Variants in ATP2B2 observed in about 807,000 individuals in gnomAD.
The protein encoded by ATP2B2 is plasma membrane calcium-transporting ATPase 2.
In ATP2B2, 15 loss-of-function variants were observed where a neutral mutation model predicts 120.0. The observed-to-expected ratio is 0.12, with a 90% CI of 0.08 to 0.19. The LOEUF is 0.19. ATP2B2 is among the 10% of genes least tolerant of loss of function. The pLI is 1.00. For missense variants in ATP2B2, 1,045 were observed against 1,719.8 expected (o/e 0.61, Z 6.94); for synonymous variants, 694 against 700.3 (o/e 0.99, Z 0.14).
chr3:10,351,109 T>C (rs1455444096), intron 14 of ATP2B2, among the ~76,000 whole-genome samples: 2 of 152,232 alleles, frequency 1.3e-5, no homozygotes, highest in African/African-American at 4.8e-5. Flanking sequence ...GGATTATGCT[T>C]CAGGTAAAAT....
intron 2 of ATP2B2, among the ~76,000 whole-genome samples, chr3:10,420,075 T>A (rs1221908602): frequency 6.6e-6 from 1 of 152,204 alleles, no homozygotes; most frequent in Non-Finnish European, 1.5e-5. Context: ...TGTCAGTGCA[T>A]GCATGCGTGC....
At chr3:10,393,551 G>A (rs1381930714) in intron 5 of ATP2B2, among the ~76,000 whole-genome samples, 1 of 152,172 alleles carries the variant, frequency 6.6e-6, no homozygotes, top group Admixed American at 6.5e-5. Context: ...GATGGGAGCT[G>A]GTCTGTGGCT....
intron 1 of ATP2B2, among the ~76,000 whole-genome samples, chr3:10,503,155 C>T (rs920141776): frequency 1.3e-5 from 2 of 152,262 alleles, no homozygotes; most frequent in Non-Finnish European, 2.9e-5. Flanking sequence ...ATTTCAGGCT[C>T]TGCATACAAC....
intron 1 of ATP2B2, among the ~76,000 whole-genome samples, chr3:10,685,497 T>TGAGA (rs146989049): frequency 2.7e-5 from 4 of 150,216 alleles, no homozygotes; most frequent in South Asian, 2.1e-4. Context: ...CTCACTTGCC[T>TGAGA]GAGAGAGAGA....
intron 12 of ATP2B2, among the ~76,000 whole-genome samples, chr3:10,361,598 C>T (rs973193034): frequency 6.6e-6 from 1 of 152,232 alleles, no homozygotes; most frequent in African/African-American, 2.4e-5. Context: ...TCCCCAGCAC[C>T]TGTCACTTCC....
chr3:10,448,630 A>C (rs959358955), intron 2 of ATP2B2, among the ~76,000 whole-genome samples: 1 of 151,792 alleles, frequency 6.6e-6, no homozygotes, highest in Non-Finnish European at 1.5e-5. Context: ...AGAAAGCCCC[A>C]CTCCACCCTC....
intron 2 of ATP2B2, among the ~76,000 whole-genome samples, chr3:10,540,210 C>G (rs947196961): frequency 2.0e-5 from 3 of 152,142 alleles, no homozygotes; most frequent in African/African-American, 7.2e-5. Context: ...ATTAAAAAGT[C>G]AGGAAACAAC....
upstream of ATP2B2, among the ~76,000 whole-genome samples, chr3:10,506,838 C>T (rs1012248899): frequency 1.3e-5 from 2 of 152,240 alleles, no homozygotes; most frequent in African/African-American, 2.4e-5. Flanking sequence ...CTGAGCTGCC[C>T]GCCCGAGCGT....
intron 8 of ATP2B2, 50 bp from the exon 9 acceptor site, chr3:10,379,334 T>C (rs1454196358): frequency 6.3e-7 from 1 of 1,597,726 alleles, no homozygotes; most frequent in Non-Finnish European, 8.6e-7. Context: ...CAACACATGG[T>C]CGGTCATCAC....
intron 22 of ATP2B2, 78 bp downstream of exon 22, chr3:10,338,098 G>C (rs1310164671): frequency 3.8e-6 from 6 of 1,587,122 alleles, no homozygotes; most frequent in Non-Finnish European, 5.1e-6. Context: ...GCCCTGGGGG[G>C]CAGCACAAGC....
At chr3:10,589,300 G>T (rs903191331) in intron 2 of ATP2B2, among the ~76,000 whole-genome samples, 2 of 152,184 alleles carry the variant, frequency 1.3e-5, no homozygotes, top group Non-Finnish European at 2.9e-5. Flanking sequence ...CTACAGGCTT[G>T]CTCATTAGTA....
rs191219717 is a variant in ATP2B2 at position 10,460,073 on chromosome 3, C to A, written c.-319-10211G>T. Among the ~76,000 whole-genome samples the A allele has an allele frequency of 2.2e-3, 342 of 152,350 alleles. 2 individuals carry two copies. The highest frequency in any genetic ancestry group is 8.1e-3 in the African/African-American group (338 of 41,578). On this transcript the variant is annotated intron_variant, in intron 1 of 22. Coordinates refer to ENST00000360273, the MANE Select transcript of ATP2B2 (RefSeq NM_001001331.4). The stretch of plus-strand genomic sequence containing the variant: ...CTGGTTGGTGAGGCCTCAGGCTTCA[C>A]CTCTGACCATGGAGGGCTGGGGCCT...
chr3:10,631,063 G>GC (rs1159170447), intron 1 of ATP2B2, among the ~76,000 whole-genome samples: 1 of 152,234 alleles, frequency 6.6e-6, no homozygotes, highest in Admixed American at 6.5e-5. Context: ...TTGGTTTGCA[G>GC]CCCAGCTGCG....
chr3:10,523,184 C>T (rs1232974128), intron 3 of ATP2B2, among the ~76,000 whole-genome samples: 2 of 152,184 alleles, frequency 1.3e-5, no homozygotes, highest in Non-Finnish European at 2.9e-5. Flanking sequence ...ATCCTCATCA[C>T]AAGCTGTACA....
At chr3:10,575,118 G>A (rs1441531049) in intron 2 of ATP2B2, among the ~76,000 whole-genome samples, 3 of 152,154 alleles carry the variant, frequency 2.0e-5, no homozygotes, top group East Asian at 1.9e-4. Flanking sequence ...CAGCCTTTCC[G>A]CCCGGGGGAG....
intron 3 of ATP2B2, among the ~76,000 whole-genome samples, chr3:10,516,655 C>T (rs2066881970): frequency 6.6e-6 from 1 of 152,340 alleles, no homozygotes; most frequent in Non-Finnish European, 1.5e-5. Flanking sequence ...TGGCATCTGT[C>T]CTGCTTCTCT....
At chr3:10,608,043 T>G (rs1026075660) in intron 2 of ATP2B2, among the ~76,000 whole-genome samples, 5 of 152,246 alleles carry the variant, frequency 3.3e-5, no homozygotes, top group Non-Finnish European at 7.3e-5. Context: ...TCCCTGACAC[T>G]TCCTTTTCCT....
intron 2 of ATP2B2, among the ~76,000 whole-genome samples, chr3:10,430,971 C>A (rs2063297376): frequency 6.6e-6 from 1 of 151,460 alleles, no homozygotes; most frequent in South Asian, 2.1e-4. Flanking sequence ...CCAAATGCAT[C>A]CCAGTGAGGA....
Position 10,328,997 on chromosome 3 carries a change from G to A in ATP2B2, c.3549C>T (p.Pro1183=), listed in dbSNP as rs1414459754. ...FRIEDSQPHI[P]LIDDTDLEED... ...CTTCCAGGTCGGTGTCATCAATGAG[G>A]GGGATGTGGGGCTGGGAATCTTCGA... is the stretch of plus-strand genomic sequence containing the variant. The change falls in exon 23 of 23, where the codon CCC becomes CCT. Residue 1183 remains proline, a synonymous_variant. Transcript: ENST00000360273. The A allele has an allele frequency of 6.2e-7, 1 of 1,613,930 alleles. No individual in the cohort carries two copies. Among genetic ancestry groups the A allele is most frequent in the Non-Finnish European group, 8.5e-7 (1 of 1,180,026 alleles).
Sources: allele counts gnomAD v4.1 joint callset (sites outside exome capture counted in the v4.1 genomes callset), GRCh38; gene constraint gnomAD v4.1.1; transcripts MANE v1.5; gene names NCBI Gene and HGNC (gene_info 2026-07-23, HGNC 2026-07-21).